The following ACACA variants were observed in gnomAD, a reference collection of about 807,000 sequenced individuals.
ACACA encodes the protein acetyl-CoA carboxylase 1.
ACACA carries 103 observed loss-of-function variants against 296.1 expected under a neutral mutation model. The observed-to-expected ratio is 0.35, with a 90% CI of 0.30 to 0.41. ACACA has a LOEUF of 0.41. ACACA is among the 10% of genes least tolerant of loss of function. The pLI is 1.00. For synonymous variants in ACACA, 953 were observed against 1,038.6 expected, an observed-to-expected ratio of 0.92 and a Z score of 1.58; for missense variants, 1,554 against 2,989.7, an observed-to-expected ratio of 0.52 and a Z score of 11.20.
chr17:37,089,157 C>T, intron 54 of ACACA, 83 bp from the exon 55 acceptor site: 1 of 1,587,686 alleles, frequency 6.3e-7, no homozygotes, highest in Non-Finnish European at 8.6e-7. Context: ...GGAGTGCTTG[C>T]TTACTCCAAA....
chr17:37,163,913 C>A (rs989925493), intron 41 of ACACA, among the ~76,000 whole-genome samples: 1 of 152,192 alleles, frequency 6.6e-6, no homozygotes, highest in Non-Finnish European at 1.5e-5. Flanking sequence ...GAGAACTAGT[C>A]AATCCTTCTA....
intron 3 of ACACA, among the ~76,000 whole-genome samples, chr17:37,305,262 T>A (rs1177111004): frequency 1.3e-5 from 2 of 152,254 alleles, no homozygotes; most frequent in Non-Finnish European, 2.9e-5. Flanking sequence ...TTGTTGTTAC[T>A]AGTTTGTTTT....
intron 1 of ACACA, chr17:37,391,782 A>G (rs574017441): frequency 1.4e-6 from 2 of 1,450,582 alleles, no homozygotes; most frequent in Admixed American, 1.7e-5. Flanking sequence ...CCCTATTAAT[A>G]TGGGCACATT....
intron 29 of ACACA, among the ~76,000 whole-genome samples, chr17:37,220,694 A>G (rs542294741): frequency 1.3e-5 from 2 of 152,322 alleles, no homozygotes; most frequent in African/African-American, 4.8e-5. Flanking sequence ...GAAGAGAGGT[A>G]CTTTTTCTGA....
At chr17:37,268,765 A>ATATATATATATC (rs2081934112) in intron 10 of ACACA, among the ~76,000 whole-genome samples, 1 of 145,674 alleles carries the variant, frequency 6.9e-6, no homozygotes, top group African/African-American at 2.5e-5. Flanking sequence ...ATATATATAT[A>ATATATATATATC]TATCTGGTTC....
chr17:37,296,268 C>G lies in ACACA; in HGVS notation c.339-11298G>C, dbSNP rs552293553. 8.8e-5 allele frequency among the ~76,000 whole-genome samples: 13 copies of G among 148,334 alleles called. No individual in the cohort carries two copies. In the East Asian group the frequency reaches 2.2e-3, roughly 25 times the overall value. ...TTGCATGATTCTCATTGTGTCCTCACAGAGTGGAAGGGGAAAGGCAGATCT... is the reference window on the plus strand; with the variant it reads ...TTGCATGATTCTCATTGTGTCCTCAGAGAGTGGAAGGGGAAAGGCAGATCT... On this transcript the variant is annotated intron_variant, in intron 3 of 55. Coordinates refer to ENST00000616317, the MANE Select transcript of ACACA (RefSeq NM_198834.3).
intron 29 of ACACA, among the ~76,000 whole-genome samples, chr17:37,213,187 A>G (rs1000228817): frequency 6.6e-6 from 1 of 151,694 alleles, no homozygotes; most frequent in Non-Finnish European, 1.5e-5. Flanking sequence ...ACACACACGC[A>G]CACAAATATA....
At chr17:37,157,179 T>C (rs945799311) in intron 42 of ACACA, among the ~76,000 whole-genome samples, 4 of 152,174 alleles carry the variant, frequency 2.6e-5, no homozygotes, top group Admixed American at 6.5e-5. Flanking sequence ...GAAAGCCTCA[T>C]TGAAAAGTGT....
intron 3 of ACACA, among the ~76,000 whole-genome samples, chr17:37,310,605 A>T (rs4510071): frequency 6.6e-6 from 1 of 151,210 alleles, no homozygotes; most frequent in African/African-American, 2.4e-5. Context: ...ACCAGCCTGG[A>T]CAACATGGTG....
intron 52 of ACACA, among the ~76,000 whole-genome samples, chr17:37,099,685 G>A (rs2073245360): frequency 6.6e-6 from 1 of 151,910 alleles, no homozygotes; most frequent in African/African-American, 2.4e-5. Context: ...ATGGCAAGAG[G>A]GCTGATGGGA....
intron 1 of ACACA, among the ~76,000 whole-genome samples, chr17:37,359,539 G>A (rs2049318083): frequency 6.6e-6 from 1 of 152,186 alleles, no homozygotes; most frequent in African/African-American, 2.4e-5. Flanking sequence ...GCGGAGAGGG[G>A]AGTGGGGGAA....
chr17:37,322,994 A>T (rs1022564737), intron 3 of ACACA, among the ~76,000 whole-genome samples: 2 of 152,246 alleles, frequency 1.3e-5, no homozygotes, highest in Non-Finnish European at 1.5e-5. Flanking sequence ...AAGCTGTCAC[A>T]CTGGCCCTCT....
chr17:37,372,413 G>GAAAA (rs71135711), intron 1 of ACACA, among the ~76,000 whole-genome samples: 1 of 89,688 alleles, frequency 1.1e-5, no homozygotes, highest in Non-Finnish European at 2.4e-5. Flanking sequence ...ACTCTGTCTC[G>GAAAA]AAAAAAAAAA....
chr17:37,176,602 G>T (rs1376060219), intron 41 of ACACA, among the ~76,000 whole-genome samples: 7 of 152,034 alleles, frequency 4.6e-5, no homozygotes, highest in African/African-American at 1.7e-4. Flanking sequence ...AAATTAAACC[G>T]CAATAGCTGA....
In ACACA at chr17:37,389,850, G is replaced by C. The variant is rs1160876683; in HGVS notation, c.38+16412C>G. Among the ~76,000 whole-genome samples the C allele has an allele frequency of 2.0e-5, 3 of 151,500 alleles. No homozygotes were observed. The East Asian group carries it at 5.8e-4, about 29-fold the overall frequency. On this transcript the variant is annotated intron_variant, in intron 1 of 55. Coordinates refer to ENST00000616317, the MANE Select transcript of ACACA (RefSeq NM_198834.3). ...AATGTGGGCAATCCTTCTTATGTCAGGAAATAGGTAGGATTTTATCCTACT... is the reference window on the plus strand; with the variant it reads ...AATGTGGGCAATCCTTCTTATGTCACGAAATAGGTAGGATTTTATCCTACT...
intron 52 of ACACA, among the ~76,000 whole-genome samples, chr17:37,105,069 T>C (rs2073598046): frequency 6.6e-6 from 1 of 151,768 alleles, no homozygotes; most frequent in Admixed American, 6.6e-5. Flanking sequence ...TCAGCCCTAG[T>C]CTGTGTATGA....
chr17:37,104,016 C>G (rs2073522732), intron 52 of ACACA, among the ~76,000 whole-genome samples: 1 of 152,182 alleles, frequency 6.6e-6, no homozygotes, highest in South Asian at 2.1e-4. Flanking sequence ...GCACTCCAGC[C>G]TAGGTCAGGA....
rs1045085239 is a variant in ACACA, at chr17:37,113,228, A to T, written c.6312T>A (p.Ile2104=). The change falls in exon 51 of 56, where the codon ATT becomes ATA. Residue 2104 remains isoleucine (I), a synonymous_variant. Transcript: ENST00000616317. The surrounding 1 kb of genome is among the most constrained non-coding windows in gnomAD (Gnocchi z 4.0). The stretch of plus-strand genomic sequence containing the variant: ...GGCAGCACTCCCTCAAGCCATCCAC[A>T]ATGTAAGCACCAAACTTCAGCACTT... The part of the protein sequence containing the change: ...YDQVLKFGAY[I]VDGLRECCQP... 1.4e-5 allele frequency: 22 copies of T among 1,614,110 alleles called. No homozygotes were observed. The highest frequency in any genetic ancestry group is 1.9e-5 in the Non-Finnish European group (22 of 1,180,044).
rs1319905075 is a variant in ACACA at position 37,202,704 on chromosome 17, TATATATATACACAC to T, written c.4057-2235_4057-2222del. On this transcript the variant is annotated intron_variant, in intron 33 of 55. Coordinates refer to ENST00000616317, the MANE Select transcript of ACACA (RefSeq NM_198834.3). ...ATATATATATATATATATATATATATATATATATACACACACACATATATTTTAACAAGGAGATG... is the reference window on the plus strand; with the variant it reads ...ATATATATATATATATATATATATATACACATATATTTTAACAAGGAGATG... Among the ~76,000 whole-genome samples the T allele has an allele frequency of 8.0e-3, 166 of 20,852 alleles. 1 individual carries two copies. The highest frequency in any genetic ancestry group is 0.036 in the African/African-American group (159 of 4,372). The allele number at this position is 20,852 out of a possible 152,430, so 13.7% of individuals were successfully genotyped here. A position where few individuals can be genotyped will look rare whatever the true frequency, so the allele number is the denominator to read the frequency against.
Sources: gnomAD v4.1 joint callset for allele counts (sites outside exome capture counted in the v4.1 genomes callset) on GRCh38, gnomAD v4.1.1 for gene constraint, Gnocchi (gnomAD v3.1) non-coding constraint, MANE v1.5 for transcripts, NCBI Gene and HGNC (gene_info 2026-07-23, HGNC 2026-07-21) for gene names.